BRINP3: variants seen among roughly 807,000 people sequenced by gnomAD.
BRINP3 encodes the protein BMP/retinoic acid-inducible neural-specific protein 3.
A neutral mutation model predicts 71.0 loss-of-function variants in BRINP3; 19 were observed. The ratio of observed to expected loss-of-function variants is 0.27; its 90% CI spans 0.19 to 0.39. The LOEUF (loss-of-function observed/expected upper bound fraction) is 0.39, where lower values mean the gene tolerates loss of function less well. Ranked by LOEUF, BRINP3 falls within the 10% of genes least tolerant of loss-of-function variation. BRINP3 has a pLI of 1.00. For missense variants in BRINP3, 959 were observed against 940.8 expected (o/e 1.02, Z -0.25); for synonymous variants, 380 against 337.7 (o/e 1.13, Z -1.37).
intron 6 of BRINP3, among the ~76,000 whole-genome samples, chr1:190,189,841 T>C (rs1248588223): frequency 6.6e-6 from 1 of 152,182 alleles, no homozygotes; most frequent in Non-Finnish European, 1.5e-5. Flanking sequence ...TTGTCAATGT[T>C]TGTGTTATTG....
At chr1:190,307,884 C>T (rs375111100) in intron 2 of BRINP3, among the ~76,000 whole-genome samples, 110 of 152,024 alleles carry the variant, frequency 7.2e-4, no homozygotes, top group African/African-American at 2.4e-3. Flanking sequence ...TTTCAAAATA[C>T]GTTGAACTGG....
chr1:190,402,512 A>G (rs934079504), intron 2 of BRINP3, among the ~76,000 whole-genome samples: 2 of 152,142 alleles, frequency 1.3e-5, no homozygotes, highest in Non-Finnish European at 1.5e-5. Flanking sequence ...GGTATCTTCA[A>G]TGTAGTCTGC....
chr1:190,310,226 T>C (rs1441186942), intron 2 of BRINP3, among the ~76,000 whole-genome samples: 2 of 151,504 alleles, frequency 1.3e-5, no homozygotes, highest in East Asian at 3.9e-4. Flanking sequence ...ATGCAAAACA[T>C]TTGCAGTTAA....
intron 2 of BRINP3, among the ~76,000 whole-genome samples, chr1:190,420,036 A>G (rs1347563686): frequency 1.3e-5 from 2 of 152,002 alleles, no homozygotes; most frequent in African/African-American, 4.8e-5. Flanking sequence ...TAACAAATCT[A>G]TATATGAAAC....
At chr1:190,380,418 G>A (rs1002737307) in intron 2 of BRINP3, among the ~76,000 whole-genome samples, 1 of 152,124 alleles carries the variant, frequency 6.6e-6, no homozygotes, top group Non-Finnish European at 1.5e-5. Context: ...ATATCTAAAG[G>A]AAGATGTCAA....
intron 7 of BRINP3, among the ~76,000 whole-genome samples, chr1:190,105,968 G>A (rs17375192): frequency 0.099 from 15,038 of 151,770 alleles, 834 homozygotes; most frequent in Middle Eastern, 0.13. Context: ...GTACACATGC[G>A]ATTTTCTATC....
chr1:190,303,867 C>A (rs1664903728), intron 2 of BRINP3, among the ~76,000 whole-genome samples: 1 of 151,472 alleles, frequency 6.6e-6, no homozygotes, highest in Non-Finnish European at 1.5e-5. Context: ...TATTTTCCCC[C>A]TAGGTATTTA....
intron 2 of BRINP3, among the ~76,000 whole-genome samples, chr1:190,354,517 T>C (rs1668604075): frequency 6.6e-6 from 1 of 151,974 alleles, no homozygotes; most frequent in Admixed American, 6.6e-5. Flanking sequence ...TGTAAATAAA[T>C]ATATGTTCTT....
chr1:190,164,141 C>T (rs1173654898), intron 6 of BRINP3, among the ~76,000 whole-genome samples: 2 of 152,072 alleles, frequency 1.3e-5, no homozygotes, highest in African/African-American at 4.8e-5. Context: ...GAATTTTTGC[C>T]CTTACTAATA....
intron 7 of BRINP3, among the ~76,000 whole-genome samples, chr1:190,152,187 A>T (rs1297811171): frequency 6.6e-6 from 1 of 152,082 alleles, no homozygotes; most frequent in Non-Finnish European, 1.5e-5. Context: ...GATTGTTGTC[A>T]GTAAAATTAA....
intron 2 of BRINP3, among the ~76,000 whole-genome samples, chr1:190,411,646 C>A (rs949022559): frequency 6.6e-6 from 1 of 151,874 alleles, no homozygotes; most frequent in African/African-American, 2.4e-5. Flanking sequence ...GAAATATGGT[C>A]TATATAACTA....
rs142662690 is a variant in BRINP3, at chr1:190,383,222, G to T, written c.236+71433C>A. On this transcript the variant is annotated intron_variant, in intron 2 of 7. Transcript: ENST00000367462. ...TTTTATTGAGCCATTAGATTCAGAA[G>T]AACTTAATTTTCTTGTTACAGTATT... 6.6e-5 allele frequency among the ~76,000 whole-genome samples: 10 copies of T among 152,042 alleles called. No homozygotes were observed. In the East Asian group the frequency reaches 1.9e-3, roughly 29 times the overall value.
intron 4 of BRINP3, among the ~76,000 whole-genome samples, chr1:190,263,843 C>T (rs1661415168): frequency 6.6e-6 from 1 of 152,140 alleles, no homozygotes; most frequent in Non-Finnish European, 1.5e-5. Context: ...CCGCCTCGGC[C>T]TCCCAAAGTG....
In BRINP3 at chr1:190,202,259, C is replaced by A. The variant is rs183478335; in HGVS notation, c.961+23823G>T. ...TTTGACTTCCCCACTGGATTTCAGA[C>A]TTGCATGAGGCCTGTAGCTACTTTG... On this transcript the variant is annotated intron_variant, in intron 6 of 7. Coordinates refer to ENST00000367462, the MANE Select transcript of BRINP3 (RefSeq NM_199051.3). 5.3e-5 allele frequency among the ~76,000 whole-genome samples: 8 copies of A among 152,098 alleles called. No homozygotes were observed. The East Asian group carries it at 1.6e-3, about 30-fold the overall frequency.
chr1:190,112,188 G>T (rs1652753245), intron 7 of BRINP3, among the ~76,000 whole-genome samples: 1 of 152,130 alleles, frequency 6.6e-6, no homozygotes, highest in South Asian at 2.1e-4. Context: ...TTTGAAGCAT[G>T]ACTGGTTATA....
At chr1:190,405,974 G>C (rs1442769030) in intron 2 of BRINP3, among the ~76,000 whole-genome samples, 2 of 152,214 alleles carry the variant, frequency 1.3e-5, no homozygotes, top group Non-Finnish European at 2.9e-5. Flanking sequence ...GGTGATTTAT[G>C]ATGTTGAAGC....
intron 6 of BRINP3, 80 bp from the exon 7 acceptor site, chr1:190,160,970 G>C: frequency 1.0e-6 from 1 of 954,690 alleles, no homozygotes; most frequent in Admixed American, 2.4e-5. Flanking sequence ...TCAATATTAA[G>C]AACAAATACA....
chr1:190,435,180 A>G lies in BRINP3; in HGVS notation c.236+19475T>C, dbSNP rs193118467. On this transcript the variant is annotated intron_variant, in intron 2 of 7. Coordinates refer to ENST00000367462, the MANE Select transcript of BRINP3 (RefSeq NM_199051.3). ...TTTGAAAGTTATCAATAATGCATTA[A>G]CACAGCCATTTTAAATCTCTATCCT... 1.1e-3 allele frequency among the ~76,000 whole-genome samples: 173 copies of G among 152,300 alleles called. 1 individual carries two copies. Among genetic ancestry groups the G allele is most frequent in the Non-Finnish European group, 2.1e-4 (14 of 68,010 alleles).
At chr1:190,250,355 T>C (rs1660021419) in intron 4 of BRINP3, among the ~76,000 whole-genome samples, 1 of 152,122 alleles carries the variant, frequency 6.6e-6, no homozygotes, top group African/African-American at 2.4e-5. Flanking sequence ...AGAAATAATA[T>C]ATTAAATGTT....
Sources: gnomAD v4.1 joint callset for allele counts (sites outside exome capture counted in the v4.1 genomes callset) on GRCh38, gnomAD v4.1.1 for gene constraint, MANE v1.5 for transcripts, NCBI Gene and HGNC (gene_info 2026-07-23, HGNC 2026-07-21) for gene names.